The following RBFOX1 variants were observed in gnomAD, a reference collection of about 807,000 sequenced individuals.
RBFOX1 encodes RNA binding protein fox-1 homolog 1.
In RBFOX1, 8 loss-of-function variants were observed where a neutral mutation model predicts 57.7. That is an observed-to-expected ratio of 0.14 (90% CI 0.08 to 0.25). RBFOX1 has a LOEUF of 0.25. RBFOX1 is among the 10% of genes least tolerant of loss of function. The probability of loss-of-function intolerance (pLI) is 1.00; values close to 1 mark genes in which losing one functional copy is unlikely to be tolerated. For missense variants in RBFOX1, 611 were observed against 548.5 expected, an observed-to-expected ratio of 1.11 and a Z score of -1.14; for synonymous variants, 326 against 222.4, an observed-to-expected ratio of 1.47 and a Z score of -4.15.
At chr16:6,241,371 A>C (rs902933220) in intron 1 of RBFOX1, among the ~76,000 whole-genome samples, 1 of 152,230 alleles carries the variant, frequency 6.6e-6, no homozygotes. Flanking sequence ...TGTTGTGAGC[A>C]TTGAACATCG....
chr16:6,900,726 C>T (rs187479281), intron 3 of RBFOX1, among the ~76,000 whole-genome samples: 5 of 152,304 alleles, frequency 3.3e-5, no homozygotes, highest in African/African-American at 9.6e-5. Context: ...TGATGCCGTT[C>T]CTATCTTTCG....
At chr16:7,198,255 T>C (rs2087313164) in intron 4 of RBFOX1, among the ~76,000 whole-genome samples, 1 of 152,108 alleles carries the variant, frequency 6.6e-6, no homozygotes, top group Non-Finnish European at 1.5e-5. Context: ...TCTGCCTGCC[T>C]TGGACTCCCA....
chr16:6,189,153 T>G (rs1189156737), intron 1 of RBFOX1, among the ~76,000 whole-genome samples: 1 of 152,240 alleles, frequency 6.6e-6, no homozygotes, highest in East Asian at 1.9e-4. Flanking sequence ...TGCAATTGTT[T>G]TGCTTACCAG....
chr16:6,388,565 C>G (rs912542852), intron 2 of RBFOX1, among the ~76,000 whole-genome samples: 1 of 151,586 alleles, frequency 6.6e-6, no homozygotes, highest in Non-Finnish European at 1.5e-5. Context: ...TAATGGAATA[C>G]TACTCAGCCT....
chr16:7,084,545 A>G (rs1468832134), intron 4 of RBFOX1, among the ~76,000 whole-genome samples: 4 of 152,108 alleles, frequency 2.6e-5, no homozygotes, highest in Non-Finnish European at 5.9e-5. Flanking sequence ...GCCCCAAAAG[A>G]AAGGGGAATG....
At chr16:6,991,745 C>T (rs140737277) in intron 3 of RBFOX1, among the ~76,000 whole-genome samples, 156 of 152,226 alleles carry the variant, frequency 1.0e-3, no homozygotes, top group Non-Finnish European at 1.3e-3. Context: ...CCATGTTGCC[C>T]AGGCTGGTCT....
chr16:5,513,383 G>A (rs935920641), intron 2 of RBFOX1, among the ~76,000 whole-genome samples: 1 of 152,102 alleles, frequency 6.6e-6, no homozygotes, highest in Admixed American at 6.5e-5. Context: ...ATGTCATATC[G>A]AGGGTGCCAA....
At chr16:5,308,857 A>C (rs554112089) in intron 1 of RBFOX1, among the ~76,000 whole-genome samples, 3 of 152,008 alleles carry the variant, frequency 2.0e-5, no homozygotes, top group African/African-American at 7.2e-5. Context: ...TCCAATTTGC[A>C]CGGCACCGCT....
At chr16:6,595,088 T>A (rs763888025) in intron 2 of RBFOX1, among the ~76,000 whole-genome samples, 20 of 152,048 alleles carry the variant, frequency 1.3e-4, no homozygotes, top group Non-Finnish European at 2.4e-4. Context: ...CACCTGGCCT[T>A]CCGTGGTTTT....
chr16:7,180,820 CAT>C (rs59714857), intron 4 of RBFOX1, among the ~76,000 whole-genome samples: 4,932 of 151,996 alleles, frequency 0.032, 264 homozygotes, highest in African/African-American at 0.11. Flanking sequence ...TAAAAAGACA[CAT>C]GTGTCAGATT....
chr16:6,374,595 C>A (rs192289594), intron 2 of RBFOX1, among the ~76,000 whole-genome samples: 1 of 152,078 alleles, frequency 6.6e-6, no homozygotes, highest in East Asian at 1.9e-4. Flanking sequence ...TACATAAGAA[C>A]AAGAAGACGT....
chr16:5,780,540 A>G (rs530967258), intron 3 of RBFOX1, among the ~76,000 whole-genome samples: 1 of 152,152 alleles, frequency 6.6e-6, no homozygotes, highest in Non-Finnish European at 1.5e-5. Flanking sequence ...CAATTTAAAC[A>G]ATCAATCAAT....
chr16:5,624,432 C>T (rs1230154291), intron 3 of RBFOX1, among the ~76,000 whole-genome samples: 1 of 152,214 alleles, frequency 6.6e-6, no homozygotes, highest in African/African-American at 2.4e-5. Context: ...CTCCTGACCT[C>T]GTGATCCGCC....
At chr16:7,101,778 T>G (rs767768518) in intron 4 of RBFOX1, among the ~76,000 whole-genome samples, 1 of 152,174 alleles carries the variant, frequency 6.6e-6, no homozygotes, top group Non-Finnish European at 1.5e-5. Context: ...CCTCTTTCCC[T>G]TTTAATGTTA....
intron 4 of RBFOX1, among the ~76,000 whole-genome samples, chr16:7,103,729 A>T (rs989090588): frequency 2.0e-5 from 3 of 152,200 alleles, no homozygotes; most frequent in Non-Finnish European, 4.4e-5. Context: ...AGGACAAACT[A>T]AGCAACAAGT....
intron 2 of RBFOX1, among the ~76,000 whole-genome samples, chr16:5,532,469 C>G (rs946787383): frequency 6.6e-6 from 1 of 152,200 alleles, no homozygotes; most frequent in Non-Finnish European, 1.5e-5. Context: ...TTTCACAAGA[C>G]CCCCTGGTGA....
chr16:5,537,078 C>G (rs1393905959), intron 2 of RBFOX1, among the ~76,000 whole-genome samples: 1 of 152,162 alleles, frequency 6.6e-6, no homozygotes, highest in African/African-American at 2.4e-5. Flanking sequence ...CCTTAGTGTC[C>G]ATGTTTCTTG....
At chr16:6,633,668 G>C (rs1199691586) in intron 2 of RBFOX1, among the ~76,000 whole-genome samples, 1 of 152,058 alleles carries the variant, frequency 6.6e-6, no homozygotes, top group Admixed American at 6.6e-5. Flanking sequence ...TTGGTTTCCA[G>C]CCAGTTACTG....
chr16:6,850,693 GA>G (rs1245337819), intron 3 of RBFOX1, among the ~76,000 whole-genome samples: 1 of 151,880 alleles, frequency 6.6e-6, no homozygotes, highest in Non-Finnish European at 1.5e-5. Context: ...TAGCTATGCA[GA>G]AAAAAAATCA....
Sources: allele counts gnomAD v4.1 joint callset (sites outside exome capture counted in the v4.1 genomes callset), GRCh38; gene constraint gnomAD v4.1.1; transcripts MANE v1.5; gene names NCBI Gene and HGNC (gene_info 2026-07-23, HGNC 2026-07-21).